Variants in NHEJ1 observed in about 807,000 individuals in gnomAD.
The protein encoded by NHEJ1 is non-homologous end-joining factor 1.
A neutral mutation model predicts 39.4 loss-of-function variants in NHEJ1; 22 were observed. The observed-to-expected ratio is 0.56, with a 90% CI of 0.40 to 0.80. NHEJ1 has a LOEUF of 0.80. NHEJ1 is among the 30% of genes least tolerant of loss of function. The probability of loss-of-function intolerance (pLI) is 0.00; values close to 1 mark genes in which losing one functional copy is unlikely to be tolerated. For synonymous variants in NHEJ1, 154 were observed against 135.6 expected (o/e 1.14, Z -0.94); for missense variants, 329 against 357.1 (o/e 0.92, Z 0.63).
rs548892403 is a variant in NHEJ1, at chr2:219,085,459, G to A, written c.589-7253C>T. On this transcript the variant is annotated intron_variant, in intron 5 of 7. Coordinates refer to ENST00000356853, the MANE Select transcript of NHEJ1 (RefSeq NM_024782.3). Reference sequence around the variant, plus strand: ...TACACAAGGCACACTGCCCTTGAAGGTCCGAATGTGAAACTGAAGACAGAG... The same window carrying A: ...TACACAAGGCACACTGCCCTTGAAGATCCGAATGTGAAACTGAAGACAGAG... 4.6e-5 allele frequency among the ~76,000 whole-genome samples: 7 copies of A among 152,290 alleles called. No individual in the cohort carries two copies. In the South Asian group the frequency reaches 8.3e-4, roughly 18 times the overall value.
At chr2:219,159,554 T>TATATATATATATGC (rs1949900028) in intron 1 of NHEJ1, among the ~76,000 whole-genome samples, 1 of 56,326 alleles carries the variant, frequency 1.8e-5, no homozygotes, top group Admixed American at 1.9e-4. Flanking sequence ...TATATATGCA[T>TATATATATATATGC]ATATATATGC....
chr2:219,115,296 G>A (rs1949402547), intron 5 of NHEJ1, among the ~76,000 whole-genome samples: 1 of 152,118 alleles, frequency 6.6e-6, no homozygotes, highest in Non-Finnish European at 1.5e-5. Flanking sequence ...TTTCAATTAG[G>A]GCCTAATTAG....
intron 5 of NHEJ1, among the ~76,000 whole-genome samples, chr2:219,114,943 C>T (rs765127738): frequency 4.6e-5 from 7 of 152,082 alleles, no homozygotes; most frequent in Admixed American, 2.0e-4. Flanking sequence ...CAAGGGAAAA[C>T]GCTGTTAAAA....
intron 5 of NHEJ1, 27 bp downstream of exon 5, chr2:219,146,651 GAC>G (rs756876256): frequency 1.3e-6 from 2 of 1,571,702 alleles, no homozygotes; most frequent in African/African-American, 2.7e-5. Flanking sequence ...GTAGGGCAAA[GAC>G]ACACAAGAAA....
Position 219,072,260 on chromosome 2 carries a change from AGCTGG to A in NHEJ1, c.*4116_*4120del, listed in dbSNP as rs1443602691. On this transcript the variant is annotated 3_prime_UTR_variant, in exon 8 of 8. Coordinates refer to ENST00000356853, the MANE Select transcript of NHEJ1 (RefSeq NM_024782.3). Reference sequence around the variant, plus strand: ...GTAGCAGCTTCCAGGGCATCAATGCAGCTGGGAACCCCCCTCCTATAAAGTATGGG... The same window carrying A: ...GTAGCAGCTTCCAGGGCATCAATGCAGAACCCCCCTCCTATAAAGTATGGG... 1.3e-5 allele frequency among the ~76,000 whole-genome samples: 2 copies of A among 152,202 alleles called. No individual in the cohort carries two copies. The highest frequency in any genetic ancestry group is 4.8e-5 in the African/African-American group (2 of 41,452).
intron 5 of NHEJ1, among the ~76,000 whole-genome samples, chr2:219,121,710 T>C (rs1393565092): frequency 2.6e-5 from 4 of 151,726 alleles, no homozygotes; most frequent in Non-Finnish European, 5.9e-5. Context: ...GACATGCTCC[T>C]AGCTACTTGA....
chr2:219,110,051 T>G (rs774950770), intron 5 of NHEJ1, among the ~76,000 whole-genome samples: 2 of 152,168 alleles, frequency 1.3e-5, no homozygotes, highest in Non-Finnish European at 2.9e-5. Context: ...AAGAGCCTAC[T>G]TTTCCTTCCC....
At chr2:219,103,276 A>C (rs541532188) in intron 5 of NHEJ1, among the ~76,000 whole-genome samples, 15 of 150,064 alleles carry the variant, frequency 1.0e-4, no homozygotes, top group South Asian at 2.1e-4. Flanking sequence ...TAACTTTTTT[A>C]TTTTTTCTTT....
chr2:219,135,687 A>T (rs554287952), intron 5 of NHEJ1, among the ~76,000 whole-genome samples: 1 of 150,840 alleles, frequency 6.6e-6, no homozygotes, highest in African/African-American at 2.4e-5. Context: ...CTTAGACTGG[A>T]GATTTAAAGC....
At chr2:219,156,939 T>C (rs1042382807) in intron 3 of NHEJ1, among the ~76,000 whole-genome samples, 22 of 152,010 alleles carry the variant, frequency 1.4e-4, no homozygotes, top group Admixed American at 5.2e-4. Flanking sequence ...TCTCATGCCT[T>C]CCTATCTACA....
At chr2:219,079,166 G>A (rs1008535671) in intron 5 of NHEJ1, among the ~76,000 whole-genome samples, 2 of 152,216 alleles carry the variant, frequency 1.3e-5, no homozygotes, top group Non-Finnish European at 1.5e-5. Context: ...CGATAAAAAT[G>A]AGATGAAAGA....
intron 4 of NHEJ1, among the ~76,000 whole-genome samples, chr2:219,147,311 C>G (rs7584830): frequency 0.5 from 76,349 of 152,008 alleles, 21,540 homozygotes; most frequent in Non-Finnish European, 0.64. Flanking sequence ...GAAACCCCGT[C>G]TATATTAAAA....
At chr2:219,123,563 A>G (rs771666239) in intron 5 of NHEJ1, among the ~76,000 whole-genome samples, 6 of 152,234 alleles carry the variant, frequency 3.9e-5, no homozygotes, top group Non-Finnish European at 8.8e-5. Context: ...ATCTACTTCT[A>G]TGTCACATGA....
intron 3 of NHEJ1, among the ~76,000 whole-genome samples, chr2:219,154,874 A>G (rs562644948): frequency 4.3e-4 from 63 of 147,196 alleles, no homozygotes; most frequent in Non-Finnish European, 8.1e-4. Context: ...TATATATATT[A>G]TATAATATAT....
intron 5 of NHEJ1, chr2:219,095,498 C>A (rs994275477): frequency 2.7e-5 from 9 of 338,424 alleles, no homozygotes; most frequent in Non-Finnish European, 5.4e-5. Flanking sequence ...CTTCCCATAT[C>A]ATTCCCCATA....
intron 5 of NHEJ1, among the ~76,000 whole-genome samples, chr2:219,114,526 G>T (rs1949393193): frequency 6.6e-6 from 1 of 152,144 alleles, no homozygotes; most frequent in Non-Finnish European, 1.5e-5. Context: ...TACTCCATAG[G>T]CCTACAAGAG....
At chr2:219,094,752 C>T (rs905580744) in intron 5 of NHEJ1, among the ~76,000 whole-genome samples, 1 of 151,954 alleles carries the variant, frequency 6.6e-6, no homozygotes, top group Non-Finnish European at 1.5e-5. Flanking sequence ...GTGTGCTAAC[C>T]CCCTATCCTC....
In NHEJ1 at chr2:219,071,126, G is replaced by A. The variant is rs1355633702; in HGVS notation, c.*5255C>T. Among the ~76,000 whole-genome samples, 2 of 152,240 alleles carry A rather than the reference G, an allele frequency of 1.3e-5. No individual in the cohort carries two copies. Among genetic ancestry groups the A allele is most frequent in the Admixed American group, 6.5e-5 (1 of 15,308 alleles). The stretch of plus-strand genomic sequence containing the variant: ...ACAGCACTGCTCTTGATCCCTGAGT[G>A]GAGACCCACACCCTGTGGGGCTTCC... On this transcript the variant is annotated 3_prime_UTR_variant, in exon 8 of 8. Transcript: ENST00000356853.
At chr2:219,094,216 T>C (rs1365343863) in intron 5 of NHEJ1, among the ~76,000 whole-genome samples, 3 of 151,982 alleles carry the variant, frequency 2.0e-5, no homozygotes, top group African/African-American at 7.3e-5. Context: ...TAACATCCAG[T>C]GCCTGGGGAA....
Sources: allele counts gnomAD v4.1 joint callset (sites outside exome capture counted in the v4.1 genomes callset), GRCh38; gene constraint gnomAD v4.1.1; transcripts MANE v1.5; gene names NCBI Gene and HGNC (gene_info 2026-07-23, HGNC 2026-07-21).